PCDHAC1: variants seen among roughly 807,000 people sequenced by gnomAD.
PCDHAC1 encodes the protein protocadherin alpha-C1.
A neutral mutation model predicts 60.0 loss-of-function variants in PCDHAC1; 42 were observed. That is an observed-to-expected ratio of 0.70 (90% CI 0.55 to 0.90). The LOEUF is 0.90. Ranked by LOEUF, PCDHAC1 falls within the 40% of genes least tolerant of loss-of-function variation. The probability of loss-of-function intolerance (pLI) is 0.00; values close to 1 mark genes in which losing one functional copy is unlikely to be tolerated. For synonymous variants in PCDHAC1, 468 were observed against 499.3 expected, an observed-to-expected ratio of 0.94 and a Z score of 0.84; for missense variants, 1,160 against 1,222.3, an observed-to-expected ratio of 0.95 and a Z score of 0.76.
chr5:140,963,483 T>C (rs1228943699), intron 1 of PCDHAC1, among the ~76,000 whole-genome samples: 1 of 152,246 alleles, frequency 6.6e-6, no homozygotes, highest in Non-Finnish European at 1.5e-5. Flanking sequence ...GGTAAATCTC[T>C]TGTGAGGAAA....
chr5:140,982,611 T>G, intron 3 of PCDHAC1, 48 bp downstream of exon 3: 2 of 1,600,048 alleles, frequency 1.2e-6, no homozygotes, highest in South Asian at 2.2e-5. Flanking sequence ...TGGAAAGTGA[T>G]CAGATGACCT....
chr5:140,989,517 G>A (rs782479733), intron 3 of PCDHAC1, among the ~76,000 whole-genome samples: 4 of 152,186 alleles, frequency 2.6e-5, no homozygotes, highest in Non-Finnish European at 5.9e-5. Flanking sequence ...CCTGAGTTGA[G>A]GGCAGAGGAG....
At chr5:140,967,291 C>T (rs782682819) in intron 1 of PCDHAC1, 11 of 1,612,754 alleles carry the variant, frequency 6.8e-6, no homozygotes, top group South Asian at 1.1e-5. Context: ...CGCAGGACCC[C>T]GACGTGGGCG....
chr5:141,002,555 A>C (rs1349538713), intron 3 of PCDHAC1, among the ~76,000 whole-genome samples: 1 of 152,222 alleles, frequency 6.6e-6, no homozygotes, highest in Admixed American at 6.5e-5. Context: ...CCCAGGATCC[A>C]CCAGTTAGTG....
At chr5:140,968,560 C>T (rs782202250) in intron 1 of PCDHAC1, 2 of 1,614,154 alleles carry the variant, frequency 1.2e-6, no homozygotes, top group Admixed American at 1.7e-5. Context: ...CTCGAACTGC[C>T]CCTGCTGGCT....
In PCDHAC1 at chr5:140,929,760, G is replaced by A. The variant is rs139688975; in HGVS notation, c.2433+435G>A. 1,459 of 180,340 alleles carry A rather than the reference G, an allele frequency of 8.1e-3. 10 individuals carry two copies. Among genetic ancestry groups the A allele is most frequent in the African/African-American group, 0.019 (807 of 42,220 alleles). The allele number at this position is 180,340 out of a possible 1,614,324, so 11.2% of individuals were successfully genotyped here. A position where few individuals can be genotyped will look rare whatever the true frequency, so the allele number is the denominator to read the frequency against. Reference sequence around the variant, plus strand: ...TTGCAATGCATTATTAAAAGATGACGATAACCACAAAAGATGTAAAAATAA... The same window carrying A: ...TTGCAATGCATTATTAAAAGATGACAATAACCACAAAAGATGTAAAAATAA... On this transcript the variant is annotated intron_variant, in intron 1 of 3. Transcript: ENST00000253807.
At chr5:140,961,548 TTC>T (rs1261051270) in intron 1 of PCDHAC1, among the ~76,000 whole-genome samples, 4 of 152,230 alleles carry the variant, frequency 2.6e-5, no homozygotes, top group African/African-American at 9.6e-5. Context: ...CCTGCAGCAT[TTC>T]TTTTTTTAAA....
At chr5:140,978,594 G>C (rs184264823) in intron 1 of PCDHAC1, among the ~76,000 whole-genome samples, 31 of 152,288 alleles carry the variant, frequency 2.0e-4, no homozygotes, top group African/African-American at 7.5e-4. Flanking sequence ...CCCTTAATGG[G>C]GCACTTGAGG....
intron 3 of PCDHAC1, among the ~76,000 whole-genome samples, chr5:141,005,280 C>T (rs2098203817): frequency 6.6e-6 from 1 of 152,180 alleles, no homozygotes; most frequent in Non-Finnish European, 1.5e-5. Context: ...GGTGAATAAA[C>T]AGATACATTT....
chr5:140,990,562 C>T (rs2097400496), intron 3 of PCDHAC1, among the ~76,000 whole-genome samples: 1 of 152,210 alleles, frequency 6.6e-6, no homozygotes, highest in Non-Finnish European at 1.5e-5. Context: ...CAAGAACACA[C>T]ACCTGTTCGA....
chr5:140,975,686 A>G (rs558112597), intron 1 of PCDHAC1, among the ~76,000 whole-genome samples: 1 of 152,328 alleles, frequency 6.6e-6, no homozygotes, highest in East Asian at 1.9e-4. Flanking sequence ...AAAATAGGGT[A>G]TTTTAAACTT....
intron 3 of PCDHAC1, among the ~76,000 whole-genome samples, chr5:140,993,652 T>C (rs1174007185): frequency 6.6e-6 from 1 of 152,172 alleles, no homozygotes; most frequent in Admixed American, 6.5e-5. Flanking sequence ...AATGACACTT[T>C]GGTTAACAAT....
intron 3 of PCDHAC1, among the ~76,000 whole-genome samples, chr5:140,995,888 T>C (rs1307052037): frequency 3.3e-5 from 5 of 152,216 alleles, no homozygotes; most frequent in Non-Finnish European, 5.9e-5. Flanking sequence ...GCTTCAGATT[T>C]ATCAATGTAT....
rs782451974 is a variant in PCDHAC1, at chr5:141,009,822, T to A, written c.2777T>A (p.Phe926Tyr). 6.2e-7 allele frequency: 1 copy of A among 1,613,720 alleles called. No individual in the cohort carries two copies. The highest frequency in any genetic ancestry group is 2.2e-5 in the East Asian group (1 of 44,866). Residue 926 changes from phenylalanine (F) to tyrosine (Y), a missense_variant, in exon 4 of 4, where the codon TTC (phenylalanine) becomes TAC (tyrosine). Physicochemically the swap from Phe to Tyr is conservative, Grantham distance 22. Around this residue, in one of 3 missense-constraint regions of PCDHAC1, gnomAD observed 1,113 missense variants for 1,163.7 expected, o/e 0.96. Transcript: ENST00000253807. ...AACAGCCAAATTGACAAAAGTGACTTCATAACCTTCGGCAAAAAGGAGGAG... is the reference window on the plus strand; with the variant it reads ...AACAGCCAAATTGACAAAAGTGACTACATAACCTTCGGCAAAAAGGAGGAG... ...PTNSQIDKSDFITFGKKEETK... is the reference protein window; with the variant it reads ...PTNSQIDKSDYITFGKKEETK...
rs137875021 is a variant in PCDHAC1, at chr5:140,942,837, A to C, written c.2433+13512A>C. Among the ~76,000 whole-genome samples, 666 of 152,296 alleles carry C rather than the reference A, an allele frequency of 4.4e-3. 3 individuals are homozygous for C. Among genetic ancestry groups the C allele is most frequent in the African/African-American group, 0.016 (646 of 41,564 alleles). On this transcript the variant is annotated intron_variant, in intron 1 of 3. Transcript: ENST00000253807. ...TTGGATTTGGCCCTGTGTCAATAAA[A>C]ATTCCAGTAAGATGATTATTTTGCT...
rs199990641 is a variant in PCDHAC1, at chr5:140,966,961, G to C, written c.2434-11988G>C. On this transcript the variant is annotated intron_variant, in intron 1 of 3. Coordinates refer to ENST00000253807, the MANE Select transcript of PCDHAC1 (RefSeq NM_018898.5). ...TCGTGGGCAACGTGGCTCGCGCGCT[G>C]GGGCTTGAGCTGCGGCGCTTGGGGC... The C allele has an allele frequency of 8.7e-6, 14 of 1,603,190 alleles. No individual in the cohort carries two copies. The East Asian group carries it at 2.7e-4, about 31-fold the overall frequency.
chr5:140,967,756 C>T (rs1554229911), intron 1 of PCDHAC1: 2 of 1,614,216 alleles, frequency 1.2e-6, no homozygotes, highest in Middle Eastern at 1.6e-4. Context: ...AAGCCTCCTC[C>T]TACCAGATCT....
At chr5:140,959,038 A>G (rs1389837259) in intron 1 of PCDHAC1, among the ~76,000 whole-genome samples, 2 of 151,994 alleles carry the variant, frequency 1.3e-5, no homozygotes, top group African/African-American at 4.8e-5. Flanking sequence ...ATGGGTATGT[A>G]TGTATAGGAA....
chr5:140,967,762 G>A, intron 1 of PCDHAC1: 1 of 1,614,216 alleles, frequency 6.2e-7, no homozygotes, highest in Non-Finnish European at 8.5e-7. Flanking sequence ...CCTCCTACCA[G>A]ATCTATGTGC....
Sources: allele counts gnomAD v4.1 joint callset (sites outside exome capture counted in the v4.1 genomes callset), GRCh38; gene constraint gnomAD v4.1.1; regional missense constraint gnomAD v4.1.1; transcripts MANE v1.5; gene names NCBI Gene and HGNC (gene_info 2026-07-23, HGNC 2026-07-21).